ADGRA3: variants seen among roughly 807,000 people sequenced by gnomAD.
ADGRA3 encodes the protein adhesion G protein-coupled receptor A3.
A neutral mutation model predicts 119.8 loss-of-function variants in ADGRA3; 56 were observed. The ratio of observed to expected loss-of-function variants is 0.47; its 90% confidence interval spans 0.38 to 0.58. The LOEUF (loss-of-function observed/expected upper bound fraction) is 0.58. Among genes scored for constraint, ADGRA3 ranks in the 20% least tolerant of loss-of-function variants. The pLI is 0.00. For synonymous variants in ADGRA3, 607 were observed against 623.8 expected (o/e 0.97, Z 0.40); for missense variants, 1,516 against 1,649.0 (o/e 0.92, Z 1.40).
chr4:22,480,480 C>T (rs1033934633), intron 1 of ADGRA3, among the ~76,000 whole-genome samples: 10 of 151,336 alleles, frequency 6.6e-5, no homozygotes, highest in Non-Finnish European at 1.0e-4. Flanking sequence ...TCAATATCAG[C>T]GTGGGTGATA....
chr4:22,401,991 A>G (rs1329797746), intron 15 of ADGRA3, among the ~76,000 whole-genome samples: 1 of 152,150 alleles, frequency 6.6e-6, no homozygotes, highest in Non-Finnish European at 1.5e-5. Context: ...CTGGACTTTC[A>G]TAATAAAATG....
At chr4:22,449,574 G>A (rs1021365466) in intron 4 of ADGRA3, among the ~76,000 whole-genome samples, 2 of 152,136 alleles carry the variant, frequency 1.3e-5, no homozygotes, top group Non-Finnish European at 2.9e-5. Flanking sequence ...TGGGCCAGGT[G>A]CAGTGGCCCA....
At chr4:22,490,804 G>A (rs938784485) in intron 1 of ADGRA3, among the ~76,000 whole-genome samples, 2 of 152,192 alleles carry the variant, frequency 1.3e-5, no homozygotes, top group Admixed American at 6.5e-5. Flanking sequence ...GCAAAGATCT[G>A]TATTTGTTTT....
intron 7 of ADGRA3, among the ~76,000 whole-genome samples, chr4:22,442,040 A>T (rs761311229): frequency 8.5e-5 from 13 of 152,164 alleles, no homozygotes; most frequent in Non-Finnish European, 1.9e-4. Flanking sequence ...GCCAAGTTCT[A>T]GGTAGGTGGA....
intron 1 of ADGRA3, among the ~76,000 whole-genome samples, chr4:22,511,707 A>T (rs1719451583): frequency 1.3e-5 from 2 of 151,952 alleles, no homozygotes; most frequent in South Asian, 4.2e-4. Flanking sequence ...CAGCCCCTAC[A>T]GACTCCTCTG....
At chr4:22,463,831 A>G (rs1447535772) in intron 2 of ADGRA3, among the ~76,000 whole-genome samples, 1 of 152,152 alleles carries the variant, frequency 6.6e-6, no homozygotes, top group Non-Finnish European at 1.5e-5. Context: ...TAAGCCCAGC[A>G]TTTTTGATGT....
At chr4:22,514,253 C>G (rs189351930) in intron 1 of ADGRA3, among the ~76,000 whole-genome samples, 1 of 152,128 alleles carries the variant, frequency 6.6e-6, no homozygotes, top group African/African-American at 2.4e-5. Context: ...TTCAAAGAAT[C>G]TGACTAAGAA....
intron 9 of ADGRA3, 111 bp downstream of exon 9, chr4:22,436,329 C>G: frequency 1.3e-6 from 1 of 781,870 alleles, no homozygotes; most frequent in Non-Finnish European, 2.0e-6. Context: ...AGTAAAAACA[C>G]AAAATCCTTA....
At chr4:22,443,815 T>C (rs1013990624) in intron 6 of ADGRA3, among the ~76,000 whole-genome samples, 1 of 152,210 alleles carries the variant, frequency 6.6e-6, no homozygotes, top group Non-Finnish European at 1.5e-5. Flanking sequence ...AACATAAACA[T>C]GGTCTTTGTT....
intron 2 of ADGRA3, among the ~76,000 whole-genome samples, chr4:22,468,470 C>A (rs1048829828): frequency 6.6e-6 from 1 of 152,016 alleles, no homozygotes; most frequent in Non-Finnish European, 1.5e-5. Flanking sequence ...TTCCATAAAA[C>A]GAAGACAGAG....
At chr4:22,476,549 C>T (rs1368133774) in intron 1 of ADGRA3, among the ~76,000 whole-genome samples, 3 of 151,980 alleles carry the variant, frequency 2.0e-5, no homozygotes, top group Non-Finnish European at 2.9e-5. Context: ...CCTTGATTGA[C>T]AATATATTTC....
At chr4:22,393,028 CTT>C (rs1162697142) in intron 16 of ADGRA3, 100 of 138,742 alleles carry the variant, frequency 7.2e-4, no homozygotes, top group South Asian at 2.3e-3. Context: ...AGTTCATTTT[CTT>C]TTTTTTTTTT....
At chr4:22,480,337 T>C (rs1431294104) in intron 1 of ADGRA3, among the ~76,000 whole-genome samples, 1 of 152,060 alleles carries the variant, frequency 6.6e-6, no homozygotes, top group Non-Finnish European at 1.5e-5. Context: ...GATCACACAT[T>C]TTATATTCTG....
At chr4:22,406,243 G>A (rs1031274331) in intron 14 of ADGRA3, among the ~76,000 whole-genome samples, 7 of 152,062 alleles carry the variant, frequency 4.6e-5, no homozygotes, top group African/African-American at 1.7e-4. Flanking sequence ...ACTTAACGTT[G>A]ATTGTTTATC....
intron 4 of ADGRA3, among the ~76,000 whole-genome samples, chr4:22,453,200 C>CA (rs530504605): frequency 0.035 from 751 of 21,548 alleles, 20 homozygotes; most frequent in African/African-American, 0.062. Context: ...GACTCCATCT[C>CA]AAAAAAAAAA....
chr4:22,418,785 C>G (rs747373911), intron 12 of ADGRA3, among the ~76,000 whole-genome samples: 3 of 152,026 alleles, frequency 2.0e-5, no homozygotes, highest in African/African-American at 4.8e-5. Context: ...GGAAGGCTCC[C>G]AGAGGCCTCC....
chr4:22,420,666 T>C (rs1321445557), intron 12 of ADGRA3: 1 of 565,978 alleles, frequency 1.8e-6, no homozygotes, highest in Non-Finnish European at 3.1e-6. Flanking sequence ...CTGATATTTT[T>C]ATGTGAAGAA....
chr4:22,488,705 C>G (rs1365603023), intron 1 of ADGRA3, among the ~76,000 whole-genome samples: 1 of 152,114 alleles, frequency 6.6e-6, no homozygotes, highest in African/African-American at 2.4e-5. Context: ...AATACAAAAG[C>G]AGACAGACCT....
At chr4:22,394,271 A>G (rs1179692457) in intron 16 of ADGRA3, 1 of 152,224 alleles carries the variant, frequency 6.6e-6, no homozygotes, top group Non-Finnish European at 1.5e-5. Context: ...GTGACCTGAA[A>G]GCCCAAATCT....
Sources: allele counts gnomAD v4.1 joint callset (sites outside exome capture counted in the v4.1 genomes callset), GRCh38; gene constraint gnomAD v4.1.1; transcripts MANE v1.5; gene names NCBI Gene and HGNC (gene_info 2026-07-23, HGNC 2026-07-21).